Variants in PHLPP1 observed in about 807,000 individuals in gnomAD.
PHLPP1 encodes PH domain leucine-rich repeat-containing protein phosphatase 1.
In PHLPP1, 42 loss-of-function variants were observed where a neutral mutation model predicts 117.2. That is an observed-to-expected ratio of 0.36 (90% CI 0.28 to 0.46). PHLPP1 has a LOEUF of 0.46. PHLPP1 is among the 20% of genes least tolerant of loss of function. The probability of loss-of-function intolerance (pLI) is 1.00; values close to 1 mark genes in which losing one functional copy is unlikely to be tolerated. For missense variants in PHLPP1, 2,084 were observed against 2,241.9 expected, an observed-to-expected ratio of 0.93 and a Z score of 1.42; for synonymous variants, 1,042 against 970.7, an observed-to-expected ratio of 1.07 and a Z score of -1.37.
At chr18:62,821,741 A>G (rs913250132) in intron 1 of PHLPP1, among the ~76,000 whole-genome samples, 1 of 151,556 alleles carries the variant, frequency 6.6e-6, no homozygotes. Flanking sequence ...TAAAAGGATA[A>G]TAAGAATGTA....
At chr18:62,956,626 G>GA (rs969325527) in intron 12 of PHLPP1, among the ~76,000 whole-genome samples, 24 of 149,078 alleles carry the variant, frequency 1.6e-4, no homozygotes, top group African/African-American at 2.7e-4. Flanking sequence ...AGACTATAAG[G>GA]AAAAAAAAAC....
intron 6 of PHLPP1, among the ~76,000 whole-genome samples, chr18:62,900,066 G>A (rs1376681207): frequency 6.6e-6 from 1 of 152,114 alleles, no homozygotes; most frequent in African/African-American, 2.4e-5. Flanking sequence ...GGAGGCCGAG[G>A]CAGGTGGATC....
chr18:62,877,323 C>T (rs1916072187), intron 4 of PHLPP1, among the ~76,000 whole-genome samples: 1 of 152,130 alleles, frequency 6.6e-6, no homozygotes, highest in Non-Finnish European at 1.5e-5. Context: ...AGTGATAATT[C>T]ATTAGCATAG....
chr18:62,926,501 C>G (rs76661211), intron 10 of PHLPP1, among the ~76,000 whole-genome samples: 2,048 of 152,256 alleles, frequency 0.013, 42 homozygotes, highest in African/African-American at 0.047. Flanking sequence ...TTCTCTGATG[C>G]TCCTAAAATG....
intron 4 of PHLPP1, among the ~76,000 whole-genome samples, chr18:62,867,155 C>G (rs1469183131): frequency 6.6e-6 from 1 of 152,154 alleles, no homozygotes. Context: ...GAAGCTCCAG[C>G]CCATCCCTAC....
chr18:62,891,747 G>T (rs1171402254), intron 4 of PHLPP1, among the ~76,000 whole-genome samples: 87 of 142,986 alleles, frequency 6.1e-4, no homozygotes, highest in Non-Finnish European at 7.4e-4. Flanking sequence ...AAAAAAATTA[G>T]CTGGGTTTGG....
intron 1 of PHLPP1, among the ~76,000 whole-genome samples, chr18:62,823,785 G>T (rs1006731655): frequency 1.3e-5 from 2 of 152,016 alleles, no homozygotes; most frequent in Non-Finnish European, 2.9e-5. Context: ...TTAGGGGAAT[G>T]CAACTTAAAA....
chr18:62,872,986 C>CTAA (rs71340124), intron 4 of PHLPP1, among the ~76,000 whole-genome samples: 5 of 54,816 alleles, frequency 9.1e-5, no homozygotes, highest in African/African-American at 2.8e-4. Context: ...AACTCTGCCT[C>CTAA]AAAAAAAAAA....
chr18:62,816,395 C>T (rs926190983), intron 1 of PHLPP1, among the ~76,000 whole-genome samples: 6 of 152,052 alleles, frequency 3.9e-5, no homozygotes, highest in Admixed American at 6.6e-5. Context: ...GAAACCCTGT[C>T]TCTACTAAAA....
intron 13 of PHLPP1, among the ~76,000 whole-genome samples, chr18:62,960,424 A>G (rs565376539): frequency 3.3e-5 from 5 of 152,326 alleles, no homozygotes; most frequent in Admixed American, 2.6e-4. Flanking sequence ...TTTATACATA[A>G]AAGTGTTAAA....
rs1299944592 is a variant in PHLPP1, at chr18:62,978,840, C to T, written c.4563C>T (p.Ile1521=). The stretch of plus-strand genomic sequence containing the variant: ...AGCAGCGCTGCATGCTCCACCCCAT[C>T]TGTCTGTCCAACTCCTTCCAGCGCC... ...PSEQRCMLHP[I]CLSNSFQRQL... The change falls in exon 17 of 17, where the codon ATC becomes ATT. Residue 1521 remains isoleucine (I), a synonymous_variant. Coordinates refer to ENST00000262719, the MANE Select transcript of PHLPP1 (RefSeq NM_194449.4). The surrounding 1 kb of genome is among the most constrained non-coding windows in gnomAD (Gnocchi z 7.0). 6.2e-7 allele frequency: 1 copy of T among 1,609,090 alleles called. No individual in the cohort carries two copies. The highest frequency in any genetic ancestry group is 2.2e-5 in the East Asian group (1 of 44,558).
intron 3 of PHLPP1, among the ~76,000 whole-genome samples, chr18:62,844,657 C>T (rs139170597): frequency 9.0e-4 from 137 of 152,246 alleles, no homozygotes; most frequent in African/African-American, 3.2e-3. Flanking sequence ...GATGAGGACT[C>T]TTCTTACAAT....
chr18:62,796,561 A>C (rs951671075), intron 1 of PHLPP1, among the ~76,000 whole-genome samples: 6 of 152,228 alleles, frequency 3.9e-5, no homozygotes, highest in Non-Finnish European at 5.9e-5. Flanking sequence ...TATTTTTGCC[A>C]GATAGTTTAT....
chr18:62,761,624 C>G (rs1912237982), intron 1 of PHLPP1, among the ~76,000 whole-genome samples: 1 of 147,528 alleles, frequency 6.8e-6, no homozygotes. Flanking sequence ...CAGAGCGAGA[C>G]TCCGTCTCAA....
chr18:62,915,464 C>A (rs954815304), intron 9 of PHLPP1, among the ~76,000 whole-genome samples: 1 of 152,166 alleles, frequency 6.6e-6, no homozygotes, highest in Non-Finnish European at 1.5e-5. Flanking sequence ...AAACTAGATT[C>A]TCTTTTTCTT....
chr18:62,826,936 G>A (rs1914628217), intron 1 of PHLPP1, among the ~76,000 whole-genome samples: 1 of 152,206 alleles, frequency 6.6e-6, no homozygotes, highest in Admixed American at 6.5e-5. Context: ...GGAGGCGGAG[G>A]TATCAGTGAG....
Position 62,978,116 on chromosome 18 carries a change from A to G in PHLPP1, c.3985-146A>G, listed in dbSNP as rs1911247280. The G allele has an allele frequency of 1.7e-6, 1 of 600,252 alleles. No individual in the cohort carries two copies. Among genetic ancestry groups the G allele is most frequent in the Admixed American group, 3.0e-5 (1 of 33,788 alleles). The allele number at this position is 600,252 out of a possible 1,614,324, so 37.2% of individuals were successfully genotyped here. A position where few individuals can be genotyped will look rare whatever the true frequency, so the allele number is the denominator to read the frequency against. On this transcript the variant is annotated intron_variant, in intron 16 of 16. Coordinates refer to ENST00000262719, the MANE Select transcript of PHLPP1 (RefSeq NM_194449.4). This position sits in a 1 kb window ranked among gnomAD's most constrained non-coding sequence, Gnocchi z 7.0. ...CAGGTGCACATTAACTACTCACTAC[A>G]GAGTGAGCCCTTCTTTCCTCTGTGG...
intron 4 of PHLPP1, among the ~76,000 whole-genome samples, chr18:62,867,080 A>G (rs1915788717): frequency 6.6e-6 from 1 of 152,126 alleles, no homozygotes; most frequent in Admixed American, 6.5e-5. Flanking sequence ...CATCAAAGTA[A>G]CACCCTATAT....
chr18:62,978,668 TG>T lies in PHLPP1; in HGVS notation c.4394del (p.Gly1465AlafsTer22). 1 of 1,613,890 alleles carries T rather than the reference TG, an allele frequency of 6.2e-7. No homozygotes were observed. The highest frequency in any genetic ancestry group is 1.1e-5 in the South Asian group (1 of 91,076). On this transcript the variant is annotated frameshift_variant, in exon 17 of 17. Coordinates refer to ENST00000262719, the MANE Select transcript of PHLPP1 (RefSeq NM_194449.4). LOFTEE classifies it low-confidence loss of function (END_TRUNC). This position sits in a 1 kb window ranked among gnomAD's most constrained non-coding sequence, Gnocchi z 7.0. ...MVIKDRPSDG[L>X]GVPSSSSGMA... Reference sequence around the variant, plus strand: ...ATCAAGGATCGGCCCTCAGATGGGCTGGGCGTGCCGTCCTCCAGCAGCGGCA... The same window carrying T: ...ATCAAGGATCGGCCCTCAGATGGGCTGGCGTGCCGTCCTCCAGCAGCGGCA...
Sources: gnomAD v4.1 joint callset for allele counts (sites outside exome capture counted in the v4.1 genomes callset) on GRCh38, gnomAD v4.1.1 for gene constraint, Gnocchi (gnomAD v3.1) non-coding constraint, MANE v1.5 for transcripts, NCBI Gene and HGNC (gene_info 2026-07-23, HGNC 2026-07-21) for gene names.